Variants in DAB1 observed in about 807,000 individuals in gnomAD.
The protein encoded by DAB1 is DAB adaptor protein 1, also known as disabled homolog 1.
Under a neutral mutation model 64.6 loss-of-function variants are expected in DAB1, and 15 were observed. That is an observed-to-expected ratio of 0.23 (90% CI 0.16 to 0.36). The LOEUF is 0.36. Ranked by LOEUF, DAB1 falls within the 10% of genes least tolerant of loss-of-function variation. DAB1 has a pLI of 1.00. For missense variants in DAB1, 596 were observed against 706.7 expected, an observed-to-expected ratio of 0.84 and a Z score of 1.78; for synonymous variants, 235 against 251.9, an observed-to-expected ratio of 0.93 and a Z score of 0.64.
At chr1:58,423,405 G>A (rs1006196788) in intron 3 of DAB1, among the ~76,000 whole-genome samples, 1 of 152,192 alleles carries the variant, frequency 6.6e-6, no homozygotes, top group Non-Finnish European at 1.5e-5. Flanking sequence ...TCCTGTCTGT[G>A]CTCCAAGAGA....
chr1:58,079,129 T>C (rs2100588502), intron 5 of DAB1, among the ~76,000 whole-genome samples: 1 of 152,296 alleles, frequency 6.6e-6, no homozygotes, highest in East Asian at 1.9e-4. Flanking sequence ...CTCAGAGAAG[T>C]CAGGTGGCTT....
At chr1:57,309,188 G>T (rs1235427143) in intron 1 of DAB1, among the ~76,000 whole-genome samples, 1 of 152,166 alleles carries the variant, frequency 6.6e-6, no homozygotes, top group East Asian at 1.9e-4. Flanking sequence ...CTTTGCAGAT[G>T]AAGAATGATC....
intron 5 of DAB1, among the ~76,000 whole-genome samples, chr1:58,057,818 A>G (rs370095832): frequency 6.6e-6 from 1 of 152,092 alleles, no homozygotes; most frequent in Non-Finnish European, 1.5e-5. Flanking sequence ...AGTGCCCACA[A>G]TGAACACGGT....
chr1:57,493,501 A>G (rs1644190771), intron 7 of DAB1, among the ~76,000 whole-genome samples: 1 of 152,206 alleles, frequency 6.6e-6, no homozygotes, highest in Non-Finnish European at 1.5e-5. Context: ...GTATTCCATT[A>G]TATGAATGTA....
chr1:57,167,516 T>G (rs2100909734), intron 2 of DAB1, among the ~76,000 whole-genome samples: 1 of 152,300 alleles, frequency 6.6e-6, no homozygotes, highest in Admixed American at 6.5e-5. Context: ...CTTTCCTCAC[T>G]TGACAATCTC....
intron 3 of DAB1, among the ~76,000 whole-genome samples, chr1:58,450,311 T>C (rs186107318): frequency 6.6e-6 from 1 of 152,316 alleles, no homozygotes; most frequent in Non-Finnish European, 1.5e-5. Context: ...ACCTGAAATC[T>C]AGAACCATGC....
intron 7 of DAB1, among the ~76,000 whole-genome samples, chr1:57,610,599 AGGTTTAATTGACTCACAT>A (rs1645714058): frequency 6.6e-6 from 1 of 152,212 alleles, no homozygotes; most frequent in Non-Finnish European, 1.5e-5. Context: ...TAAAGAAAAG[AGGTTTAATTGACTCACAT>A]GGCTGGGAAG....
At chr1:58,488,355 G>A (rs992688658) in intron 3 of DAB1, among the ~76,000 whole-genome samples, 1 of 151,952 alleles carries the variant, frequency 6.6e-6, no homozygotes, top group African/African-American at 2.4e-5. Flanking sequence ...AGGTTTTTGG[G>A]GAACAGGCAG....
intron 7 of DAB1, among the ~76,000 whole-genome samples, chr1:57,523,003 T>A (rs1644547793): frequency 6.6e-6 from 1 of 152,172 alleles, no homozygotes; most frequent in South Asian, 2.1e-4. Context: ...ACTGTCAGAT[T>A]CCCTATTTTG....
chr1:57,540,154 T>C (rs538075573), intron 7 of DAB1, among the ~76,000 whole-genome samples: 1 of 152,324 alleles, frequency 6.6e-6, no homozygotes, highest in South Asian at 2.1e-4. Flanking sequence ...AAACGCAGAT[T>C]TAATTTTTGC....
intron 5 of DAB1, among the ~76,000 whole-genome samples, chr1:57,913,049 C>T (rs1400419432): frequency 7.9e-5 from 12 of 152,194 alleles, no homozygotes; most frequent in Admixed American, 2.6e-4. Flanking sequence ...ATGCCATTCC[C>T]ATCAAGCTAC....
intron 1 of DAB1, among the ~76,000 whole-genome samples, chr1:57,856,671 C>T (rs922047522): frequency 2.0e-5 from 3 of 151,968 alleles, no homozygotes; most frequent in South Asian, 2.1e-4. Flanking sequence ...GGCTGAGGCA[C>T]GAGAATCACT....
At chr1:57,696,698 T>C (rs3126018) in intron 6 of DAB1, among the ~76,000 whole-genome samples, 117,057 of 152,086 alleles carry the variant, frequency 0.77, 46,425 homozygotes, top group East Asian at 1. Context: ...GTCCCCTATG[T>C]ACTCTACACA....
chr1:58,074,594 A>ATATATATATATATATATT (rs1649526356), intron 5 of DAB1, among the ~76,000 whole-genome samples: 6 of 112,372 alleles, frequency 5.3e-5, no homozygotes, highest in Middle Eastern at 4.5e-3. Context: ...ATATATATAT[A>ATATATATATATATATATT]TTTGAGAAAC....
At chr1:58,056,028 G>C in intron 5 of DAB1, 1 of 800,296 alleles carries the variant, frequency 1.2e-6, no homozygotes, top group East Asian at 2.6e-5. Flanking sequence ...GTGAGCCACC[G>C]TGCCTGGCCT....
intron 4 of DAB1, among the ~76,000 whole-genome samples, chr1:58,282,808 T>C (rs1661593144): frequency 6.6e-6 from 1 of 152,186 alleles, no homozygotes; most frequent in African/African-American, 2.4e-5. Flanking sequence ...CCAAAAGAGT[T>C]TGGGAGAAGA....
At chr1:58,453,676 T>A (rs1024242670) in intron 3 of DAB1, among the ~76,000 whole-genome samples, 4 of 152,342 alleles carry the variant, frequency 2.6e-5, no homozygotes, top group African/African-American at 9.6e-5. Context: ...CACTTCTCAC[T>A]GCCCTCAGGT....
intron 3 of DAB1, among the ~76,000 whole-genome samples, chr1:58,348,297 A>G (rs1644020377): frequency 1.3e-5 from 2 of 152,192 alleles, no homozygotes; most frequent in East Asian, 3.8e-4. Flanking sequence ...GAATGACTGA[A>G]CTGCATCCAA....
chr1:58,412,458 T>C lies in DAB1; in HGVS notation n.258-69055A>G, dbSNP rs186135562. The stretch of plus-strand genomic sequence containing the variant: ...TCACTTCTGGCCTGTTCATCACCAG[T>C]TTTAGCTTAGTGCAGTTACCAACTC... On this transcript the variant is annotated intron_variant and non_coding_transcript_variant, in intron 3 of 20. Coordinates refer to the DAB1 transcript ENST00000485760. Among the ~76,000 whole-genome samples the C allele has an allele frequency of 1.4e-4, 21 of 152,302 alleles. No individual in the cohort carries two copies. In the East Asian group the frequency reaches 3.7e-3, roughly 27 times the overall value.
Sources: gnomAD v4.1 joint callset for allele counts (sites outside exome capture counted in the v4.1 genomes callset) on GRCh38, gnomAD v4.1.1 for gene constraint, MANE v1.5 for transcripts, NCBI Gene and HGNC (gene_info 2026-07-23, HGNC 2026-07-21) for gene names.